Variants in TRUB1 observed in about 807,000 individuals in gnomAD.
TRUB1 encodes pseudouridylate synthase TRUB1.
Under a neutral mutation model 33.9 loss-of-function variants are expected in TRUB1, and 23 were observed. The observed-to-expected ratio is 0.68, with a 90% CI of 0.49 to 0.96. The LOEUF (loss-of-function observed/expected upper bound fraction) is 0.96, where lower values mean the gene tolerates loss of function less well. Among genes scored for constraint, TRUB1 ranks in the 40% least tolerant of loss-of-function variants. The pLI is 0.00. For missense variants in TRUB1, 378 were observed against 422.2 expected, an observed-to-expected ratio of 0.90 and a Z score of 0.92; for synonymous variants, 163 against 165.4, an observed-to-expected ratio of 0.99 and a Z score of 0.11.
At chr10:114,946,119 A>G (rs2084210039) in intron 2 of TRUB1, among the ~76,000 whole-genome samples, 1 of 152,204 alleles carries the variant, frequency 6.6e-6, no homozygotes, top group Non-Finnish European at 1.5e-5. Flanking sequence ...CTGAACTCTA[A>G]TCATACTTCG....
chr10:114,940,417 G>A (rs1475331978), intron 1 of TRUB1, among the ~76,000 whole-genome samples: 1 of 152,162 alleles, frequency 6.6e-6, no homozygotes, highest in Admixed American at 6.5e-5. Context: ...CACCACTCCC[G>A]GCCTTGGGAA....
chr10:114,940,601 G>A (rs75645361), intron 1 of TRUB1, among the ~76,000 whole-genome samples: 1,585 of 152,216 alleles, frequency 0.01, 23 homozygotes, highest in African/African-American at 0.036. Flanking sequence ...TTTATAGCTA[G>A]AAAATAATAA....
At chr10:114,961,938 C>G (rs940385164) in intron 4 of TRUB1, among the ~76,000 whole-genome samples, 2 of 152,134 alleles carry the variant, frequency 1.3e-5, no homozygotes, top group Non-Finnish European at 2.9e-5. Context: ...GCCTTCTTTA[C>G]TATCCTGAAA....
chr10:114,954,279 A>G (rs1364172072), intron 3 of TRUB1, among the ~76,000 whole-genome samples: 1 of 152,356 alleles, frequency 6.6e-6, no homozygotes, highest in East Asian at 1.9e-4. Flanking sequence ...GCCATATTAC[A>G]GAACAGCCTT....
chr10:114,970,311 A>G, intron 4 of TRUB1, 57 bp from the exon 5 acceptor site: 1 of 1,248,286 alleles, frequency 8.0e-7, no homozygotes, highest in Non-Finnish European at 1.2e-6. Flanking sequence ...GGTGCTGTGA[A>G]AATAGTACAT....
chr10:114,939,547 C>A (rs2084176353), intron 1 of TRUB1, among the ~76,000 whole-genome samples: 1 of 152,108 alleles, frequency 6.6e-6, no homozygotes. Context: ...TAAAAAAATG[C>A]AAAAACAAAT....
chr10:114,954,687 TATA>T (rs1337358010), intron 3 of TRUB1, among the ~76,000 whole-genome samples: 1 of 152,042 alleles, frequency 6.6e-6, no homozygotes, highest in Non-Finnish European at 1.5e-5. Flanking sequence ...GGATTATGTG[TATA>T]ATGTGTGTGA....
At chr10:114,965,945 G>A (rs543157662) in intron 4 of TRUB1, among the ~76,000 whole-genome samples, 31 of 152,158 alleles carry the variant, frequency 2.0e-4, no homozygotes, top group African/African-American at 7.0e-4. Flanking sequence ...CAGCCATGAT[G>A]TCCCACCACC....
rs2084233393 is a variant in TRUB1, at chr10:114,951,112, G to T, written c.404G>T (p.Gly135Val). 1 of 1,612,252 alleles carries T rather than the reference G, an allele frequency of 6.2e-7. No individual in the cohort carries two copies. The highest frequency in any genetic ancestry group is 1.1e-5 in the South Asian group (1 of 90,770). The change falls in exon 3 of 8, where the codon GGA becomes GTA. Residue 135 changes from glycine (G) to valine (V), a missense_variant. Physicochemically the swap from Gly to Val is moderately radical, Grantham distance 109 (BLOSUM62 -3). Transcript: ENST00000298746. ...RGVLVVGIGS[G>V]TKMLTSMLSG... ...TTTGTAGTTGTTGGAATTGGAAGCG[G>T]AACAAAAATGTTGACCAGTATGTTG... is the stretch of plus-strand genomic sequence containing the variant.
intron 4 of TRUB1, among the ~76,000 whole-genome samples, chr10:114,968,909 G>A (rs941745999): frequency 3.3e-5 from 5 of 151,972 alleles, no homozygotes; most frequent in African/African-American, 1.2e-4. Context: ...ACATATACCA[G>A]AATAAAAAGT....
intron 6 of TRUB1, 151 bp downstream of exon 6, chr10:114,972,425 TG>T (rs1218719166): frequency 4.4e-6 from 4 of 900,424 alleles, no homozygotes; most frequent in Non-Finnish European, 6.5e-6. Context: ...ATACCTTTTT[TG>T]GTAACACATT....
chr10:114,960,660 A>G (rs770420697), intron 4 of TRUB1, among the ~76,000 whole-genome samples: 25 of 152,254 alleles, frequency 1.6e-4, no homozygotes, highest in Non-Finnish European at 3.4e-4. Context: ...TGCTCAATTA[A>G]TCAAGCAACA....
chr10:114,948,145 G>A (rs983178136), intron 2 of TRUB1, among the ~76,000 whole-genome samples: 1 of 152,204 alleles, frequency 6.6e-6, no homozygotes, highest in African/African-American at 2.4e-5. Flanking sequence ...GGGAGATAGA[G>A]TAGGAGAGTA....
intron 6 of TRUB1, among the ~76,000 whole-genome samples, 184 bp from the exon 7 acceptor site, chr10:114,974,143 ACT>A (rs1389173555): frequency 6.6e-6 from 1 of 152,050 alleles, no homozygotes; most frequent in African/African-American, 2.4e-5. Context: ...CTTTCTCCAC[ACT>A]CTGACTTTTC....
intron 1 of TRUB1, among the ~76,000 whole-genome samples, chr10:114,941,762 G>A (rs1280302135): frequency 6.6e-6 from 1 of 152,032 alleles, no homozygotes; most frequent in Admixed American, 6.6e-5. Flanking sequence ...ATAACGTTTT[G>A]TTGAGATTCG....
chr10:114,957,541 C>T (rs750991794), intron 3 of TRUB1, among the ~76,000 whole-genome samples: 1 of 152,080 alleles, frequency 6.6e-6, no homozygotes, highest in South Asian at 2.1e-4. Flanking sequence ...GAATTTGTAT[C>T]GAGCACCTAC....
chr10:114,960,988 T>G (rs951717147), intron 4 of TRUB1, among the ~76,000 whole-genome samples: 3 of 152,078 alleles, frequency 2.0e-5, no homozygotes, highest in African/African-American at 7.2e-5. Flanking sequence ...TAATTAAGGC[T>G]GGGGGGTGTG....
intron 2 of TRUB1, among the ~76,000 whole-genome samples, chr10:114,945,850 G>A (rs868856068): frequency 6.6e-6 from 1 of 152,170 alleles, no homozygotes; most frequent in Non-Finnish European, 1.5e-5. Context: ...ATTTGTATGC[G>A]TGGAAGAAAT....
At chr10:114,972,366 T>C (rs1429280292) in intron 6 of TRUB1, 92 bp downstream of exon 6, 1 of 1,371,142 alleles carries the variant, frequency 7.3e-7, no homozygotes, top group African/African-American at 1.5e-5. Context: ...ATCCGTAGGA[T>C]GTTGGAGATT....
Sources: allele counts gnomAD v4.1 joint callset (sites outside exome capture counted in the v4.1 genomes callset), GRCh38; gene constraint gnomAD v4.1.1; transcripts MANE v1.5; gene names NCBI Gene and HGNC (gene_info 2026-07-23, HGNC 2026-07-21).